Variants in FSTL5 observed in about 807,000 individuals in gnomAD.
FSTL5 encodes follistatin-related protein 5.
Under a neutral mutation model 89.1 loss-of-function variants are expected in FSTL5, and 62 were observed. The observed-to-expected ratio is 0.70, with a 90% CI of 0.57 to 0.86. The LOEUF is 0.86. Among genes scored for constraint, FSTL5 ranks in the 40% least tolerant of loss-of-function variants. The probability of loss-of-function intolerance (pLI) is 0.00; values close to 1 mark genes in which losing one functional copy is unlikely to be tolerated. For missense variants in FSTL5, 1,057 were observed against 1,001.6 expected, an observed-to-expected ratio of 1.06 and a Z score of -0.75; for synonymous variants, 383 against 346.2, an observed-to-expected ratio of 1.11 and a Z score of -1.18.
rs904772433 is a variant in FSTL5 at position 162,070,966 on chromosome 4, A to C, written c.127-37308T>G. ...CTGTCATGAAAACATACAAAAATATAATACTCACTAATAAAGCTGTTACAC... is the reference window on the plus strand; with the variant it reads ...CTGTCATGAAAACATACAAAAATATCATACTCACTAATAAAGCTGTTACAC... On this transcript the variant is annotated intron_variant, in intron 2 of 15. Coordinates refer to ENST00000306100, the MANE Select transcript of FSTL5 (RefSeq NM_020116.5). Among the ~76,000 whole-genome samples, 6 of 151,756 alleles carry C rather than the reference A, an allele frequency of 4.0e-5. No homozygotes were observed. In the South Asian group the frequency reaches 1.2e-3, roughly 31 times the overall value.
At chr4:161,686,994 A>G (rs779263339) in intron 6 of FSTL5, among the ~76,000 whole-genome samples, 8 of 152,166 alleles carry the variant, frequency 5.3e-5, no homozygotes, top group Non-Finnish European at 8.8e-5. Context: ...GCGTATTATC[A>G]TGAAACAAAA....
At chr4:162,011,138 A>T (rs1308085745) in intron 3 of FSTL5, among the ~76,000 whole-genome samples, 1 of 152,138 alleles carries the variant, frequency 6.6e-6, no homozygotes, top group African/African-American at 2.4e-5. Flanking sequence ...CATGGCAGCG[A>T]AACTAGAGTG....
In FSTL5 at chr4:161,384,147, TCTA is replaced by T. The variant is rs1730532026; in HGVS notation, c.*1597_*1599del. ...CTCGCATGTTTCTGCTAAGAAGAAA[TCTA>T]CTGTATCACACAGCTCAGGATGCTA... On this transcript the variant is annotated 3_prime_UTR_variant, in exon 16 of 16. Transcript: ENST00000306100. 1 of 152,164 alleles carries T rather than the reference TCTA, an allele frequency of 6.6e-6. No individual in the cohort carries two copies. Among genetic ancestry groups the T allele is most frequent in the Admixed American group, 6.5e-5 (1 of 15,274 alleles). 9.4% of individuals were successfully genotyped at this position (152,164 alleles called of 1,614,324 possible). A position where few individuals can be genotyped will look rare whatever the true frequency, so the allele number is the denominator to read the frequency against.
At chr4:162,003,730 A>G (rs532380918) in intron 3 of FSTL5, among the ~76,000 whole-genome samples, 5 of 152,314 alleles carry the variant, frequency 3.3e-5, no homozygotes, top group South Asian at 4.1e-4. Flanking sequence ...CATAAATGTA[A>G]TATCTTTAAG....
intron 2 of FSTL5, among the ~76,000 whole-genome samples, chr4:162,054,525 T>C (rs1354077876): frequency 1.3e-5 from 2 of 151,902 alleles, no homozygotes; most frequent in African/African-American, 4.8e-5. Flanking sequence ...CTTGTTAATA[T>C]AGAAAACAGA....
At chr4:161,925,524 T>C (rs981806883) in intron 3 of FSTL5, among the ~76,000 whole-genome samples, 2 of 151,898 alleles carry the variant, frequency 1.3e-5, no homozygotes, top group African/African-American at 4.8e-5. Context: ...TTTTCTCATT[T>C]AACTAGAACA....
intron 7 of FSTL5, among the ~76,000 whole-genome samples, chr4:161,629,522 T>G (rs533751106): frequency 6.6e-6 from 1 of 152,174 alleles, no homozygotes; most frequent in Non-Finnish European, 1.5e-5. Context: ...TTTTGCATTT[T>G]TTAGTAGAGA....
intron 7 of FSTL5, among the ~76,000 whole-genome samples, chr4:161,650,440 T>C (rs1037844330): frequency 3.3e-5 from 5 of 152,224 alleles, no homozygotes; most frequent in African/African-American, 4.8e-5. Flanking sequence ...ATAGTATATC[T>C]GAAATTCAAA....
chr4:161,682,847 A>G (rs1158847759), intron 6 of FSTL5, among the ~76,000 whole-genome samples: 2 of 152,010 alleles, frequency 1.3e-5, no homozygotes, highest in Non-Finnish European at 2.9e-5. Context: ...CCTGGGTTCA[A>G]GCAATTCTTC....
At position 161,846,064 on chromosome 4, in the gene FSTL5, T is replaced by C. The variant is rs190716255; in HGVS notation, c.410-69990A>G. Among the ~76,000 whole-genome samples the C allele has an allele frequency of 4.8e-3, 718 of 149,016 alleles. 13 individuals are homozygous for C. The highest frequency in any genetic ancestry group is 0.017 in the African/African-American group (694 of 40,308). ...ACTCCGTCTCAAAAAAAAAAAAAAA[T>C]TGTGAATTGTGTGTGTATTTGTGTG... On this transcript the variant is annotated intron_variant, in intron 4 of 15. Transcript: ENST00000306100.
At position 161,472,795 on chromosome 4, in the gene FSTL5, G is replaced by A. The variant is rs80342808; in HGVS notation, c.1608+8225C>T. 8.6e-3 allele frequency among the ~76,000 whole-genome samples: 1,308 copies of A among 151,332 alleles called. 9 individuals carry two copies. The highest frequency in any genetic ancestry group is 0.014 in the Non-Finnish European group (965 of 67,854). Reference sequence around the variant, plus strand: ...GCTGGAGTGCAGCGGCATGATCTCGGCTCACTGCAACCTCTGCCTCCTGGG... The same window carrying A: ...GCTGGAGTGCAGCGGCATGATCTCGACTCACTGCAACCTCTGCCTCCTGGG... On this transcript the variant is annotated intron_variant, in intron 13 of 15. Coordinates refer to ENST00000306100, the MANE Select transcript of FSTL5 (RefSeq NM_020116.5).
intron 7 of FSTL5, among the ~76,000 whole-genome samples, chr4:161,610,886 A>C (rs1734609306): frequency 6.6e-6 from 1 of 151,978 alleles, no homozygotes; most frequent in East Asian, 1.9e-4. Context: ...AAAATCAACT[A>C]TGCTAGATCT....
intron 6 of FSTL5, among the ~76,000 whole-genome samples, chr4:161,718,623 T>A (rs1307219703): frequency 6.6e-6 from 1 of 152,000 alleles, no homozygotes; most frequent in Non-Finnish European, 1.5e-5. Flanking sequence ...AGAGATGGGG[T>A]TTCACTATGT....
chr4:161,593,103 G>A (rs1298272012), intron 7 of FSTL5, among the ~76,000 whole-genome samples: 1 of 151,834 alleles, frequency 6.6e-6, no homozygotes, highest in Admixed American at 6.6e-5. Context: ...AATTTTTAAT[G>A]TGTTGCTCAG....
intron 2 of FSTL5, among the ~76,000 whole-genome samples, chr4:162,091,165 C>T (rs1317603159): frequency 1.3e-5 from 2 of 152,120 alleles, no homozygotes; most frequent in East Asian, 1.9e-4. Flanking sequence ...TAAATTGTCA[C>T]TTCAGCCACC....
chr4:161,853,508 TA>T (rs1731626211), intron 4 of FSTL5, among the ~76,000 whole-genome samples: 1 of 151,932 alleles, frequency 6.6e-6, no homozygotes, highest in African/African-American at 2.4e-5. Flanking sequence ...CCTCAGGTGA[TA>T]CACCTGCCTC....
intron 8 of FSTL5, among the ~76,000 whole-genome samples, chr4:161,554,395 GA>G (rs907179801): frequency 4.6e-5 from 7 of 150,666 alleles, no homozygotes; most frequent in Middle Eastern, 3.4e-3. Flanking sequence ...ATTCTAATGT[GA>G]AAAAAAAATC....
chr4:161,681,704 C>A (rs1442699878), intron 6 of FSTL5, among the ~76,000 whole-genome samples: 1 of 151,844 alleles, frequency 6.6e-6, no homozygotes, highest in Non-Finnish European at 1.5e-5. Flanking sequence ...ATGCTTATAA[C>A]TATATTTTCC....
intron 7 of FSTL5, among the ~76,000 whole-genome samples, chr4:161,596,820 A>G (rs1188611572): frequency 6.6e-6 from 1 of 152,146 alleles, no homozygotes; most frequent in East Asian, 1.9e-4. Flanking sequence ...AGCTGCAGGT[A>G]TTTCTCCTGT....
Sources: gnomAD v4.1 joint callset for allele counts (sites outside exome capture counted in the v4.1 genomes callset) on GRCh38, gnomAD v4.1.1 for gene constraint, MANE v1.5 for transcripts, NCBI Gene and HGNC (gene_info 2026-07-23, HGNC 2026-07-21) for gene names.